Variants in RAB2A observed in about 807,000 individuals in gnomAD.
The protein encoded by RAB2A is ras-related protein Rab-2A.
Under a neutral mutation model 32.5 loss-of-function variants are expected in RAB2A, and 7 were observed. The observed-to-expected ratio is 0.22, with a 90% CI of 0.12 to 0.40. The LOEUF is 0.40. Among genes scored for constraint, RAB2A ranks in the 10% least tolerant of loss-of-function variants. The probability of loss-of-function intolerance (pLI) is 1.00; values close to 1 mark genes in which losing one functional copy is unlikely to be tolerated. For missense variants in RAB2A, 108 were observed against 260.7 expected (o/e 0.41, Z 4.03); for synonymous variants, 79 against 85.2 (o/e 0.93, Z 0.40).
At chr8:60,557,455 G>A (rs1807956664) in intron 1 of RAB2A, among the ~76,000 whole-genome samples, 1 of 152,170 alleles carries the variant, frequency 6.6e-6, no homozygotes, top group Non-Finnish European at 1.5e-5. Context: ...GACGGAGTTT[G>A]CAGTGAGCTG....
intron 6 of RAB2A, 27 bp from the exon 7 acceptor site, chr8:60,618,553 A>T (rs746703409): frequency 3.3e-5 from 37 of 1,136,628 alleles, no homozygotes; most frequent in Non-Finnish European, 3.8e-5. Context: ...GTTTTATATA[A>T]TATGAACCAA....
At position 60,572,073 on chromosome 8, in the gene RAB2A, C is replaced by G. The variant is rs1205113665; in HGVS notation, c.146C>G (p.Thr49Ser). Residue 49 changes from threonine (T) to serine (S), a missense_variant, in exon 3 of 8, where the codon ACT becomes AGT. By Grantham distance (58) the Thr-to-Ser change is moderately conservative. Coordinates refer to ENST00000262646, the MANE Select transcript of RAB2A (RefSeq NM_002865.3). Reference protein sequence around the residue: ...IGVEFGARMITIDGKQIKLQI... With the variant: ...IGVEFGARMISIDGKQIKLQI... ...GTAGAGTTCGGTGCTCGAATGATAA[C>G]TATTGATGGGAAACAGATAAAACTT... 5 of 1,523,092 alleles carry G rather than the reference C, an allele frequency of 3.3e-6. No homozygotes were observed. The highest frequency in any genetic ancestry group is 4.4e-6 in the Non-Finnish European group (5 of 1,133,346). 94.3% of individuals were successfully genotyped at this position (1,523,092 alleles called of 1,614,324 possible).
intron 1 of RAB2A, among the ~76,000 whole-genome samples, chr8:60,534,960 T>TAA (rs1176283607): frequency 6.6e-6 from 1 of 152,178 alleles, no homozygotes; most frequent in Non-Finnish European, 1.5e-5. Flanking sequence ...CTTTCTGGCT[T>TAA]AAAGTTTCAT....
chr8:60,597,359 C>T (rs552424769), intron 6 of RAB2A, among the ~76,000 whole-genome samples: 42 of 152,158 alleles, frequency 2.8e-4, no homozygotes, highest in Admixed American at 1.4e-3. Context: ...AACCAAACAC[C>T]GCATGTTCTC....
chr8:60,517,795 TTATATATATACATATA>T (rs1360608910), intron 1 of RAB2A, among the ~76,000 whole-genome samples: 5 of 152,154 alleles, frequency 3.3e-5, no homozygotes, highest in African/African-American at 1.2e-4. Flanking sequence ...AATATGTATT[TTATATATATACATATA>T]TATAAAATAT....
At chr8:60,572,013 A>G (rs761227842) in intron 2 of RAB2A, 33 bp from the exon 3 acceptor site, 1 of 1,512,488 alleles carries the variant, frequency 6.6e-7, no homozygotes, top group Non-Finnish European at 9.1e-7. Context: ...ATTCCCACTA[A>G]TTTTGTAACA....
chr8:60,586,425 A>G (rs1279235637), intron 5 of RAB2A, among the ~76,000 whole-genome samples: 1 of 152,054 alleles, frequency 6.6e-6, no homozygotes, highest in Non-Finnish European at 1.5e-5. Context: ...ACCAAAAGCT[A>G]ATTCTTCAGA....
intron 1 of RAB2A, among the ~76,000 whole-genome samples, chr8:60,551,207 C>T (rs116987874): frequency 1.1e-4 from 16 of 152,130 alleles, no homozygotes; most frequent in Non-Finnish European, 1.8e-4. Flanking sequence ...TATTTCTCTC[C>T]CTCTTCTGTA....
chr8:60,576,554 C>T (rs959246399), intron 3 of RAB2A, among the ~76,000 whole-genome samples: 6 of 152,136 alleles, frequency 3.9e-5, no homozygotes, highest in African/African-American at 1.4e-4. Context: ...AACTTTTGAC[C>T]AAATTGTGTG....
At chr8:60,614,434 A>G (rs2150438292) in intron 6 of RAB2A, among the ~76,000 whole-genome samples, 1 of 152,130 alleles carries the variant, frequency 6.6e-6, no homozygotes, top group African/African-American at 2.4e-5. Context: ...TTTTCTTAAT[A>G]GAGACAGGGG....
intron 1 of RAB2A, among the ~76,000 whole-genome samples, chr8:60,554,476 GTTGA>G (rs1320824432): frequency 3.3e-5 from 5 of 152,080 alleles, no homozygotes; most frequent in Admixed American, 3.3e-4. Flanking sequence ...TGAATCACAG[GTTGA>G]TTGGGAGGAT....
chr8:60,517,456 C>T (rs982717822), intron 1 of RAB2A, among the ~76,000 whole-genome samples: 1 of 152,136 alleles, frequency 6.6e-6, no homozygotes, highest in Admixed American at 6.5e-5. Flanking sequence ...CTGCGGCCCC[C>T]GACCCGGCCA....
intron 3 of RAB2A, among the ~76,000 whole-genome samples, chr8:60,582,144 T>C (rs1803768698): frequency 6.6e-6 from 1 of 152,072 alleles, no homozygotes; most frequent in Admixed American, 6.5e-5. Flanking sequence ...AGATGGGGTC[T>C]CGCCATGTTA....
At chr8:60,555,114 A>G (rs1368204609) in intron 1 of RAB2A, among the ~76,000 whole-genome samples, 5 of 152,334 alleles carry the variant, frequency 3.3e-5, no homozygotes, top group African/African-American at 1.2e-4. Context: ...GGACACAAAT[A>G]TATTTGTCTT....
chr8:60,610,862 T>A (rs1804331351), intron 6 of RAB2A, among the ~76,000 whole-genome samples: 1 of 152,206 alleles, frequency 6.6e-6, no homozygotes, highest in African/African-American at 2.4e-5. Flanking sequence ...AGTGCACAAT[T>A]ATATAGATCG....
intron 2 of RAB2A, among the ~76,000 whole-genome samples, chr8:60,567,455 G>A (rs1239550070): frequency 2.6e-5 from 4 of 152,108 alleles, no homozygotes; most frequent in African/African-American, 9.7e-5. Flanking sequence ...ACCAATTGGT[G>A]TTCTTTCTTT....
intron 1 of RAB2A, among the ~76,000 whole-genome samples, chr8:60,539,380 A>G (rs567253360): frequency 6.6e-6 from 1 of 152,298 alleles, no homozygotes; most frequent in African/African-American, 2.4e-5. Context: ...TTTATTACAT[A>G]TTATCTCTTT....
chr8:60,608,493 CCTT>C (rs1420990266), intron 6 of RAB2A, among the ~76,000 whole-genome samples: 2 of 72,626 alleles, frequency 2.8e-5, no homozygotes, highest in Non-Finnish European at 5.2e-5. Flanking sequence ...CTCTTCCTCT[CCTT>C]CTTCCTCTCC....
At chr8:60,591,782 C>A in intron 5 of RAB2A, 76 bp from the exon 6 acceptor site, 2 of 908,720 alleles carry the variant, frequency 2.2e-6, no homozygotes, top group South Asian at 1.6e-5. Flanking sequence ...CTTTGAATTC[C>A]ATGGTACACT....
Sources: allele counts gnomAD v4.1 joint callset (sites outside exome capture counted in the v4.1 genomes callset), GRCh38; gene constraint gnomAD v4.1.1; transcripts MANE v1.5; gene names NCBI Gene and HGNC (gene_info 2026-07-23, HGNC 2026-07-21).